The following YY1AP1 variants were observed in gnomAD, a reference collection of about 807,000 sequenced individuals.
YY1AP1 encodes YY1-associated protein 1.
YY1AP1 carries 43 observed loss-of-function variants against 39.9 expected under a neutral mutation model. The ratio of observed to expected loss-of-function variants is 1.08; its 90% confidence interval spans 0.84 to 1.39. YY1AP1 has a LOEUF of 1.39. Ranked by LOEUF, YY1AP1 falls within the 40% of genes most tolerant of loss-of-function variation. YY1AP1 has a pLI of 0.00. For missense variants in YY1AP1, 813 were observed against 900.7 expected, an observed-to-expected ratio of 0.90 and a Z score of 1.25; for synonymous variants, 292 against 331.3, an observed-to-expected ratio of 0.88 and a Z score of 1.29.
At chr1:155,664,544 G>A (rs1558301241) in intron 9 of YY1AP1, among the ~76,000 whole-genome samples, 2 of 151,954 alleles carry the variant, frequency 1.3e-5, no homozygotes, top group Non-Finnish European at 2.9e-5. Flanking sequence ...AGATCACCTG[G>A]CCAACATGGC....
At position 155,688,658 on chromosome 1, in the gene YY1AP1, C is replaced by T; in HGVS notation, c.-152+1G>A. On this transcript the variant is annotated splice_donor_variant, in intron 1 of 10. Coordinates refer to ENST00000355499, the MANE Select transcript of YY1AP1 (RefSeq NM_139119.3). LOFTEE classifies it low-confidence loss of function (5UTR_SPLICE). The stretch of plus-strand genomic sequence containing the variant: ...GCTCCAGCGCAGGCCCTCACGCGTA[C>T]CTTCAGCGGCGCGAGCCCAAGCCTT... 6.5e-7 allele frequency: 1 copy of T among 1,533,600 alleles called. No individual in the cohort carries two copies. The highest frequency in any genetic ancestry group is 8.7e-7 in the Non-Finnish European group (1 of 1,146,296). The allele number at this position is 1,533,600 out of a possible 1,614,324, so 95.0% of individuals were successfully genotyped here.
In YY1AP1 at chr1:155,688,087, A is replaced by T. The variant is rs1353847467; in HGVS notation, c.-37T>A. ...TCTACTCACCGTGTCGGAGGCCGAG[A>T]GCGATGAGAGTACAGGGAAGTGAGG... On this transcript the variant is annotated 5_prime_UTR_variant, in exon 2 of 11. Transcript: ENST00000355499. The T allele has an allele frequency of 6.3e-7, 1 of 1,592,284 alleles. No individual in the cohort carries two copies. The highest frequency in any genetic ancestry group is 2.2e-5 in the East Asian group (1 of 44,458).
intron 10 of YY1AP1, 80 bp from the exon 11 acceptor site, chr1:155,660,993 T>C (rs900513864): frequency 6.2e-6 from 10 of 1,604,404 alleles, no homozygotes; most frequent in Non-Finnish European, 8.5e-6. Flanking sequence ...TTTAGGGACC[T>C]GAGACAAGCT....
intron 9 of YY1AP1, 58 bp downstream of exon 9, chr1:155,668,569 G>T (rs1349823296): frequency 2.5e-6 from 4 of 1,613,068 alleles, no homozygotes; most frequent in Non-Finnish European, 3.4e-6. Flanking sequence ...AATAACAAGA[G>T]AAAAGAACAG....
At chr1:155,687,148 CCCGCGACAACAAA>C (rs1212756594) in intron 2 of YY1AP1, among the ~76,000 whole-genome samples, 8 of 152,138 alleles carry the variant, frequency 5.3e-5, no homozygotes, top group Non-Finnish European at 1.2e-4. Context: ...TTACTATAAA[CCCGCGACAACAAA>C]TAAGGCCACC....
Position 155,660,238 on chromosome 1 carries a change from G to A in YY1AP1, c.1672C>T (p.Pro558Ser), listed in dbSNP as rs754550173. 5.0e-6 allele frequency: 8 copies of A among 1,614,072 alleles called. No individual in the cohort carries two copies. The highest frequency in any genetic ancestry group is 4.0e-5 in the African/African-American group (3 of 74,924). ...CTCACAATCTTCACAGTGGTAGCAG[G>A]AACAGTGAAGATAACAGATGCAGGG... Reference protein sequence around the residue: ...IHPASVIFTVPATTVKIVSLG... With the variant: ...IHPASVIFTVSATTVKIVSLG... The change falls in exon 11 of 11, where the codon CCT becomes TCT. Residue 558 changes from proline (P) to serine (S), a missense_variant. Transcript: ENST00000355499.
At chr1:155,680,607 C>A in intron 2 of YY1AP1, 151 bp from the exon 3 acceptor site, 1 of 653,310 alleles carries the variant, frequency 1.5e-6, no homozygotes, top group African/African-American at 1.8e-5. Flanking sequence ...CACTCTGTCA[C>A]CCGGGCTGGA....
chr1:155,688,677 A>C lies in YY1AP1; in HGVS notation c.-170T>G. ...CGCGTACCTTCAGCGGCGCGAGCCC[A>C]AGCCTTCTCCACCTCCTCTTCTCTC... On this transcript the variant is annotated 5_prime_UTR_variant, in exon 1 of 11. Transcript: ENST00000355499. The C allele has an allele frequency of 1.3e-6, 2 of 1,531,766 alleles. No homozygotes were observed. Among genetic ancestry groups the C allele is most frequent in the Non-Finnish European group, 1.7e-6 (2 of 1,145,698 alleles). 94.9% of individuals were successfully genotyped at this position (1,531,766 alleles called of 1,614,324 possible). A position where few individuals can be genotyped will look rare whatever the true frequency, so the allele number is the denominator to read the frequency against.
rs545822524 is a variant in YY1AP1, at chr1:155,668,634, A to G, written c.872T>C (p.Ile291Thr). ...NLNMNRAPDNIIKFYKKTKQL... is the reference protein window; with the variant it reads ...NLNMNRAPDNTIKFYKKTKQL... Reference sequence around the variant, plus strand: ...CATGCAGGAAACACTCACTTTAATGATGTTGTCAGGAGCTCTGTTCATGTT... The same window carrying G: ...CATGCAGGAAACACTCACTTTAATGGTGTTGTCAGGAGCTCTGTTCATGTT... Residue 291 changes from isoleucine (I) to threonine (T), a missense_variant, in exon 9 of 11, where the codon ATC becomes ACC. Physicochemically the swap from Ile to Thr is moderately conservative, Grantham distance 89 (BLOSUM62 -1). Transcript: ENST00000355499. 8.7e-6 allele frequency: 14 copies of G among 1,614,112 alleles called. No individual in the cohort carries two copies. The Admixed American group carries it at 1.3e-4, about 15-fold the overall frequency.
At chr1:155,665,784 C>CAAAAA (rs58155011) in intron 9 of YY1AP1, among the ~76,000 whole-genome samples, 10 of 34,948 alleles carry the variant, frequency 2.9e-4, no homozygotes, top group Non-Finnish European at 6.3e-4. Flanking sequence ...CTCTGTGTCT[C>CAAAAA]AAAAAAAAAA....
chr1:155,663,547 C>T (rs570820640), intron 9 of YY1AP1, among the ~76,000 whole-genome samples: 53 of 151,460 alleles, frequency 3.5e-4, no homozygotes, highest in Non-Finnish European at 4.9e-4. Context: ...GGTGAAACCC[C>T]GTCTCTACTA....
At chr1:155,687,256 A>T (rs1334647042) in intron 2 of YY1AP1, among the ~76,000 whole-genome samples, 2 of 151,388 alleles carry the variant, frequency 1.3e-5, no homozygotes, top group African/African-American at 4.9e-5. Context: ...CCAAAGGCAC[A>T]AACTATTCTT....
chr1:155,670,171 G>A (rs534430998), intron 8 of YY1AP1, 149 bp downstream of exon 8: 4 of 1,071,060 alleles, frequency 3.7e-6, no homozygotes, highest in Non-Finnish European at 5.5e-6. Flanking sequence ...GGCACTGCTA[G>A]AACAAGCACG....
chr1:155,661,945 C>T (rs1019151537), intron 9 of YY1AP1, among the ~76,000 whole-genome samples: 3 of 152,192 alleles, frequency 2.0e-5, no homozygotes, highest in African/African-American at 4.8e-5. Flanking sequence ...CGTCAGCCAC[C>T]GCGCCCAGCC....
rs1395605347 is a variant in YY1AP1 at position 155,675,106 on chromosome 1, G to T, written c.325-10C>A. The T allele has an allele frequency of 1.9e-6, 3 of 1,611,978 alleles. No individual in the cohort carries two copies. The African/African-American group carries it at 4.0e-5, about 22-fold the overall frequency. On this transcript the variant is annotated splice_polypyrimidine_tract_variant and intron_variant, in intron 5 of 10. Transcript: ENST00000355499. ...TCAAGAGCTGAACATGCTGGGGAGA[G>T]AAAGAAAATAATGCAGTGATATGTT...
In YY1AP1 at chr1:155,688,235, T is replaced by C. The variant is rs1180832151; in HGVS notation, c.-151-34A>G. The C allele has an allele frequency of 1.9e-6, 3 of 1,611,848 alleles. No homozygotes were observed. Among genetic ancestry groups the C allele is most frequent in the African/African-American group, 1.3e-5 (1 of 74,780 alleles). ...AATGCGAGAGAGGAGAAGGGAAAGG[T>C]GGAGGGCTAAAGGGGCAAACTGAGA... On this transcript the variant is annotated intron_variant, in intron 1 of 10. Coordinates refer to ENST00000355499, the MANE Select transcript of YY1AP1 (RefSeq NM_139119.3).
chr1:155,683,307 C>T (rs1356296678), intron 2 of YY1AP1, among the ~76,000 whole-genome samples: 1 of 151,978 alleles, frequency 6.6e-6, no homozygotes, highest in Non-Finnish European at 1.5e-5. Context: ...GCATTAAATA[C>T]ATACATGGCA....
chr1:155,670,865 G>A (rs978584551), intron 7 of YY1AP1: 2 of 221,486 alleles, frequency 9.0e-6, no homozygotes, highest in South Asian at 1.2e-4. Context: ...TAGTAGAGAC[G>A]GGGTTTCACT....
In YY1AP1 at chr1:155,672,576, T is replaced by A. The variant is rs773128473; in HGVS notation, c.567A>T (p.Lys189Asn). The A allele has an allele frequency of 1.5e-5, 24 of 1,612,514 alleles. No homozygotes were observed. The East Asian group carries it at 4.7e-4, about 31-fold the overall frequency. The change falls in exon 7 of 11, where the codon AAA becomes AAT. Residue 189 changes from lysine to asparagine, a missense_variant. This residue lies in a region of YY1AP1 where 31 missense variants were observed against 63.7 expected (regional missense o/e 0.49). Transcript: ENST00000355499. ...THVSIDCSPH[K>N]TVKKTANEFP... The stretch of plus-strand genomic sequence containing the variant: ...GTCTCCTACCAGTCTTCTTGACAGT[T>A]TTATGAGGGCTGCAGTCAATGCTGA...
Sources: allele counts gnomAD v4.1 joint callset (sites outside exome capture counted in the v4.1 genomes callset), GRCh38; gene constraint gnomAD v4.1.1; regional missense constraint gnomAD v4.1.1; transcripts MANE v1.5; gene names NCBI Gene and HGNC (gene_info 2026-07-23, HGNC 2026-07-21).